The following MTARC2 variants were observed in gnomAD, a reference collection of about 807,000 sequenced individuals.
The protein encoded by MTARC2 is mitochondrial amidoxime reducing component 2, also known as MOCO sulphurase C-terminal domain containing 2.
MTARC2 carries 27 observed loss-of-function variants against 35.6 expected under a neutral mutation model. The ratio of observed to expected loss-of-function variants is 0.76; its 90% CI spans 0.56 to 1.04. The LOEUF is 1.04. Among genes scored for constraint, MTARC2 ranks in the 50% least tolerant of loss-of-function variants. MTARC2 has a pLI of 0.00. For synonymous variants in MTARC2, 158 were observed against 167.1 expected, an observed-to-expected ratio of 0.95 and a Z score of 0.42; for missense variants, 412 against 432.5, an observed-to-expected ratio of 0.95 and a Z score of 0.42.
At chr1:220,764,028 C>T (rs1024048669) in intron 4 of MTARC2, among the ~76,000 whole-genome samples, 1 of 152,128 alleles carries the variant, frequency 6.6e-6, no homozygotes, top group African/African-American at 2.4e-5. Flanking sequence ...CTCTTAAACA[C>T]CCTCTCAATT....
At position 220,754,969 on chromosome 1, in the gene MTARC2, G is replaced by C. The variant is rs1671235258; in HGVS notation, c.295G>C (p.Asp99His). The C allele has an allele frequency of 5.6e-6, 9 of 1,600,100 alleles. No homozygotes were observed. The highest frequency in any genetic ancestry group is 7.7e-6 in the Non-Finnish European group (9 of 1,173,780). The change falls in exon 2 of 8, where the codon GAT (aspartate) becomes CAT (histidine). Residue 99 changes from aspartate to histidine, a missense_variant. Asp to His is a moderately conservative substitution (Grantham distance 81, BLOSUM62 -1). Coordinates refer to ENST00000366913, the MANE Select transcript of MTARC2 (RefSeq NM_017898.5). ...CAGGTTTTGGCTGGTGATTAAGGAA[G>C]ATGGACACATGGTCACTGCCCGACA... ...RDRFWLVIKE[D>H]GHMVTARQEP... is the part of the protein sequence containing the mutation.
chr1:220,781,876 G>A lies in MTARC2; in HGVS notation c.983G>A (p.Gly328Asp), dbSNP rs773825899. ...SVEKIGSLRV[G>D]DPVYRMV The stretch of plus-strand genomic sequence containing the variant: ...GAAAAAATTGGAAGCCTGAGAGTTG[G>A]TGACCCTGTGTATCGGATGGTGTAG... Residue 328 changes from glycine to aspartate, a missense_variant, in exon 7 of 8, where the codon GGT becomes GAT. Physicochemically the swap from Gly to Asp is moderately conservative, Grantham distance 94 (BLOSUM62 -1). Coordinates refer to ENST00000366913, the MANE Select transcript of MTARC2 (RefSeq NM_017898.5). 6.2e-7 allele frequency: 1 copy of A among 1,614,192 alleles called. No individual in the cohort carries two copies. Among genetic ancestry groups the A allele is most frequent in the Non-Finnish European group, 8.5e-7 (1 of 1,180,012 alleles).
chr1:220,770,546 G>A, intron 4 of MTARC2: 1 of 985,422 alleles, frequency 1.0e-6, no homozygotes, highest in Non-Finnish European at 1.2e-6. Flanking sequence ...AGTAGAGACG[G>A]CAGAGTGGAG....
chr1:220,775,922 C>T (rs1472962047), intron 4 of MTARC2, among the ~76,000 whole-genome samples: 1 of 152,088 alleles, frequency 6.6e-6, no homozygotes, highest in Non-Finnish European at 1.5e-5. Flanking sequence ...TTATCCAGTC[C>T]ACTGTTGATA....
At chr1:220,761,111 G>T (rs1478798040) in intron 2 of MTARC2, among the ~76,000 whole-genome samples, 2 of 152,234 alleles carry the variant, frequency 1.3e-5, no homozygotes, top group African/African-American at 4.8e-5. Flanking sequence ...GAGGGCCGCT[G>T]TGTTATCTAA....
At chr1:220,778,287 C>T (rs908400785) in intron 4 of MTARC2, among the ~76,000 whole-genome samples, 50 of 148,216 alleles carry the variant, frequency 3.4e-4, no homozygotes, top group African/African-American at 1.1e-3. Context: ...GAAAGAAAAG[C>T]GGTTCATGGT....
In MTARC2 at chr1:220,755,232, G is replaced by A; in HGVS notation, c.446+112G>A. ...TACAGTAGAGGATGACATTGGTAAA[G>A]GAAACATTTAAGAGAAGTGCAGTTT... On this transcript the variant is annotated intron_variant, in intron 2 of 7. Coordinates refer to ENST00000366913, the MANE Select transcript of MTARC2 (RefSeq NM_017898.5). 3 of 1,192,478 alleles carry A rather than the reference G, an allele frequency of 2.5e-6. No homozygotes were observed. In the South Asian group the frequency reaches 5.3e-5, roughly 21 times the overall value. 73.9% of individuals were successfully genotyped at this position (1,192,478 alleles called of 1,614,324 possible).
At chr1:220,763,242 G>A (rs888611517) in intron 4 of MTARC2, among the ~76,000 whole-genome samples, 192 bp downstream of exon 4, 8 of 152,188 alleles carry the variant, frequency 5.3e-5, no homozygotes, top group East Asian at 3.9e-4. Context: ...CTCGGGGGGC[G>A]TTGCTCTCAC....
chr1:220,774,532 A>C (rs114911893), intron 4 of MTARC2, among the ~76,000 whole-genome samples: 3,615 of 152,306 alleles, frequency 0.024, 109 homozygotes, highest in African/African-American at 0.064. Flanking sequence ...CATGAGTAGA[A>C]AACCAGGAGC....
chr1:220,771,075 G>A lies in MTARC2; in HGVS notation c.750+8025G>A, dbSNP rs1671731479. Among the ~76,000 whole-genome samples, 3 of 152,128 alleles carry A rather than the reference G, an allele frequency of 2.0e-5. No individual in the cohort carries two copies. In the South Asian group the frequency reaches 6.2e-4, roughly 32 times the overall value. On this transcript the variant is annotated intron_variant, in intron 4 of 7. Coordinates refer to ENST00000366913, the MANE Select transcript of MTARC2 (RefSeq NM_017898.5). ...GCACTTTGGGAGGCCGAGCCAGTCG[G>A]ATCACCTGAGGTCAGGAGTTTCAGA...
chr1:220,755,378 T>C (rs1231729911), intron 2 of MTARC2, among the ~76,000 whole-genome samples: 1 of 152,124 alleles, frequency 6.6e-6, no homozygotes, highest in Non-Finnish European at 1.5e-5. Context: ...AAAAAGAAGA[T>C]GTTATACCAA....
intron 4 of MTARC2, among the ~76,000 whole-genome samples, chr1:220,775,899 T>C (rs1671893033): frequency 6.6e-6 from 1 of 152,248 alleles, no homozygotes; most frequent in Non-Finnish European, 1.5e-5. Context: ...GGTGTATGTA[T>C]ACCACATTTT....
At chr1:220,781,646 C>T (rs1010169217) in intron 6 of MTARC2, 132 bp from the exon 7 acceptor site, 26 of 887,892 alleles carry the variant, frequency 2.9e-5, no homozygotes, top group African/African-American at 1.8e-4. Flanking sequence ...CCACAGACTT[C>T]TCTCGCAACA....
intron 4 of MTARC2, among the ~76,000 whole-genome samples, chr1:220,778,093 A>G (rs931137347): frequency 6.6e-6 from 1 of 151,914 alleles, no homozygotes; most frequent in Admixed American, 6.6e-5. Context: ...AAATACAAAA[A>G]TTAACCGGGC....
intron 4 of MTARC2, among the ~76,000 whole-genome samples, chr1:220,777,671 G>A (rs1241206268): frequency 6.6e-6 from 1 of 152,186 alleles, no homozygotes; most frequent in East Asian, 1.9e-4. Context: ...ATTGCCCTGT[G>A]AAATTCAAAC....
rs140171710 is a variant in MTARC2 at position 220,770,279 on chromosome 1, A to G, written c.750+7229A>G. On this transcript the variant is annotated intron_variant, in intron 4 of 7. Transcript: ENST00000366913. ...GTTTATCCCTGCCCCTGAGTGAGCA[A>G]GGCTTTGTGTGAGACCTTGTTGAAC... The G allele has an allele frequency of 1.1e-3, 494 of 465,774 alleles. 2 individuals carry two copies. Among genetic ancestry groups the G allele is most frequent in the African/African-American group, 0.01 (475 of 47,130 alleles). 28.9% of individuals were successfully genotyped at this position (465,774 alleles called of 1,614,324 possible).
chr1:220,748,546 C>G lies in MTARC2; in HGVS notation c.15C>G (p.Ser5Arg). 7.0e-7 allele frequency: 1 copy of G among 1,429,396 alleles called. No individual in the cohort carries two copies. The highest frequency in any genetic ancestry group is 1.4e-5 in the South Asian group (1 of 69,230). 88.5% of individuals were successfully genotyped at this position (1,429,396 alleles called of 1,614,324 possible). Reference sequence around the variant, plus strand: ...CTCGCTCTGCCATGGGCGCTTCCAGCTCCTCCGCGCTGGCCCGCCTCGGCC... The same window carrying G: ...CTCGCTCTGCCATGGGCGCTTCCAGGTCCTCCGCGCTGGCCCGCCTCGGCC... The part of the protein sequence containing the change: MGAS[S>R]SSALARLGLP... Residue 5 changes from serine (S) to arginine (R), a missense_variant, in exon 1 of 8, where the codon AGC (serine) becomes AGG (arginine). Transcript: ENST00000366913.
At chr1:220,770,193 T>G (rs1395674770) in intron 4 of MTARC2, among the ~76,000 whole-genome samples, 1 of 152,146 alleles carries the variant, frequency 6.6e-6, no homozygotes, top group Non-Finnish European at 1.5e-5. Flanking sequence ...AGTGAACTCG[T>G]TTAATCTTAA....
intron 4 of MTARC2, among the ~76,000 whole-genome samples, chr1:220,775,734 T>A (rs77824259): frequency 0.023 from 3,500 of 152,146 alleles, 110 homozygotes; most frequent in African/African-American, 0.062. Flanking sequence ...TGTATCCATG[T>A]GTATTCAACA....
Sources: allele counts gnomAD v4.1 joint callset (sites outside exome capture counted in the v4.1 genomes callset), GRCh38; gene constraint gnomAD v4.1.1; transcripts MANE v1.5; gene names NCBI Gene and HGNC (gene_info 2026-07-23, HGNC 2026-07-21).